Variants in CYP39A1 observed in about 807,000 individuals in gnomAD.
The protein encoded by CYP39A1 is 24-hydroxycholesterol 7-alpha-hydroxylase.
In CYP39A1, 49 loss-of-function variants were observed where a neutral mutation model predicts 58.1. The observed-to-expected ratio is 0.84, with a 90% CI of 0.67 to 1.07. The LOEUF (loss-of-function observed/expected upper bound fraction) is 1.07. Among genes scored for constraint, CYP39A1 ranks in the 50% least tolerant of loss-of-function variants. The pLI is 0.00. For synonymous variants in CYP39A1, 209 were observed against 187.6 expected, an observed-to-expected ratio of 1.11 and a Z score of -0.93; for missense variants, 531 against 539.4, an observed-to-expected ratio of 0.98 and a Z score of 0.16.
intron 7 of CYP39A1, among the ~76,000 whole-genome samples, chr6:46,606,587 C>T (rs887824300): frequency 6.6e-6 from 1 of 152,022 alleles, no homozygotes; most frequent in African/African-American, 2.4e-5. Context: ...GATGACAGAC[C>T]AATAAAGAAA....
At chr6:46,570,630 T>C (rs1342450480) in intron 10 of CYP39A1, among the ~76,000 whole-genome samples, 2 of 152,152 alleles carry the variant, frequency 1.3e-5, no homozygotes, top group Admixed American at 6.6e-5. Flanking sequence ...ACATGAAGCA[T>C]AGTGCCAGTA....
Position 46,639,502 on chromosome 6 carries a change from G to C in CYP39A1, c.480C>G (p.Asn160Lys). 2.5e-6 allele frequency: 4 copies of C among 1,613,852 alleles called. No homozygotes were observed. In the African/African-American group the frequency reaches 5.3e-5, roughly 22 times the overall value. Reference protein sequence around the residue: ...LGTHGTMDLNNLVRHLLYPVT... With the variant: ...LGTHGTMDLNKLVRHLLYPVT... ...CTAATGCGTCTATTTACCTTACTAA[G>C]TTGTTCAGGTCCATTGTCCCATGAG... The change falls in exon 3 of 12, where the codon AAC becomes AAG. Residue 160 changes from asparagine to lysine, a missense_variant. Asn to Lys is a moderately conservative substitution (Grantham distance 94, BLOSUM62 0). Coordinates refer to ENST00000275016, the MANE Select transcript of CYP39A1 (RefSeq NM_016593.5).
At chr6:46,561,877 T>C (rs1770995057) in intron 10 of CYP39A1, among the ~76,000 whole-genome samples, 1 of 152,136 alleles carries the variant, frequency 6.6e-6, no homozygotes, top group South Asian at 2.1e-4. Context: ...GAAATAGTGG[T>C]TACCAAAGGC....
chr6:46,601,624 G>A (rs900162422), intron 7 of CYP39A1, among the ~76,000 whole-genome samples: 5 of 151,526 alleles, frequency 3.3e-5, no homozygotes, highest in South Asian at 2.1e-4. Context: ...CGTGTAAAGC[G>A]CTTACCACTA....
At position 46,639,662 on chromosome 6, in the gene CYP39A1, A is replaced by G; in HGVS notation, c.320T>C (p.Ile107Thr). The change falls in exon 3 of 12, where the codon ATT (isoleucine) becomes ACT (threonine). Residue 107 changes from isoleucine (I) to threonine (T), a missense_variant. Physicochemically the swap from Ile to Thr is moderately conservative, Grantham distance 89. Coordinates refer to ENST00000275016, the MANE Select transcript of CYP39A1 (RefSeq NM_016593.5). ...VQNIVYRTAS[I>T]PKNVFLALHE... is the part of the protein sequence containing the mutation. ...CAGTGCTAAAAAGACATTCTTTGGA[A>G]TTGATGCTATGAACAAAGAAAACTA... 6.2e-7 allele frequency: 1 copy of G among 1,611,690 alleles called. No homozygotes were observed. The highest frequency in any genetic ancestry group is 8.5e-7 in the Non-Finnish European group (1 of 1,178,864).
At chr6:46,652,254 T>G in intron 1 of CYP39A1, 152 bp downstream of exon 1, 2 of 743,296 alleles carry the variant, frequency 2.7e-6, no homozygotes, top group Non-Finnish European at 4.1e-6. Flanking sequence ...TGTTAATTGT[T>G]AGTAGAGGAA....
intron 3 of CYP39A1, 39 bp downstream of exon 3, chr6:46,639,455 C>T: frequency 6.3e-7 from 1 of 1,587,510 alleles, no homozygotes; most frequent in Non-Finnish European, 8.5e-7. Flanking sequence ...TTATTTAAAA[C>T]AAAAAGCAAG....
intron 10 of CYP39A1, among the ~76,000 whole-genome samples, chr6:46,556,479 G>C (rs1007776946): frequency 2.0e-5 from 3 of 152,162 alleles, no homozygotes; most frequent in Non-Finnish European, 4.4e-5. Flanking sequence ...CTGCATGTGT[G>C]AGAGAAAACT....
rs565433955 is a variant in CYP39A1 at position 46,582,556 on chromosome 6, T to C, written c.1250+4521A>G. The stretch of plus-strand genomic sequence containing the variant: ...TCTTAGGAAGCTGACCTTTCTTTTA[T>C]GTTGTTTACTGATTATTCTAATCTA... On this transcript the variant is annotated intron_variant, in intron 10 of 11. Coordinates refer to ENST00000275016, the MANE Select transcript of CYP39A1 (RefSeq NM_016593.5). Among the ~76,000 whole-genome samples, 88 of 152,292 alleles carry C rather than the reference T, an allele frequency of 5.8e-4. 1 individual carries two copies. In the South Asian group the frequency reaches 0.017, roughly 29 times the overall value.
At chr6:46,645,130 C>T (rs1341999796) in intron 1 of CYP39A1, among the ~76,000 whole-genome samples, 2 of 152,102 alleles carry the variant, frequency 1.3e-5, no homozygotes, top group African/African-American at 2.4e-5. Context: ...AGAGCAAATG[C>T]TTTTAATTTT....
intron 1 of CYP39A1, among the ~76,000 whole-genome samples, chr6:46,643,493 G>A (rs943529661): frequency 1.4e-4 from 22 of 152,170 alleles, no homozygotes; most frequent in African/African-American, 5.1e-4. Flanking sequence ...CATCTACACT[G>A]CTTTCTAACA....
At chr6:46,563,980 CTG>C (rs1771116280) in intron 10 of CYP39A1, among the ~76,000 whole-genome samples, 2 of 151,972 alleles carry the variant, frequency 1.3e-5, no homozygotes, top group African/African-American at 4.8e-5. Flanking sequence ...GAAAACTCAT[CTG>C]TATGTAGTGA....
chr6:46,625,450 A>G lies in CYP39A1; in HGVS notation c.899T>C (p.Met300Thr). 1.2e-6 allele frequency: 2 copies of G among 1,611,358 alleles called. No homozygotes were observed. Among genetic ancestry groups the G allele is most frequent in the Non-Finnish European group, 1.7e-6 (2 of 1,178,502 alleles). The part of the protein sequence containing the change: ...LSHPDIHKAI[M>T]EGISSVFGKA... Reference sequence around the variant, plus strand: ...GCCAAACACAGAAGATATGCCTTCCATAATGGCCTTGTGGATATCAGGATG... The same window carrying G: ...GCCAAACACAGAAGATATGCCTTCCGTAATGGCCTTGTGGATATCAGGATG... Residue 300 changes from methionine (M) to threonine (T), a missense_variant, in exon 7 of 12, where the codon ATG becomes ACG. Transcript: ENST00000275016.
intron 1 of CYP39A1, among the ~76,000 whole-genome samples, chr6:46,645,619 T>A (rs1762274855): frequency 6.6e-6 from 1 of 152,164 alleles, no homozygotes; most frequent in African/African-American, 2.4e-5. Flanking sequence ...CTCATTCTAT[T>A]CTACTTTTTC....
intron 5 of CYP39A1, among the ~76,000 whole-genome samples, chr6:46,632,307 G>A (rs1775711358): frequency 6.6e-6 from 1 of 152,184 alleles, no homozygotes. Flanking sequence ...CAGGCCAGGT[G>A]CTAGATAGGT....
chr6:46,629,956 C>T (rs1040166725), intron 6 of CYP39A1, among the ~76,000 whole-genome samples: 1 of 151,506 alleles, frequency 6.6e-6, no homozygotes, highest in African/African-American at 2.4e-5. Flanking sequence ...TTTAGCCGGG[C>T]CCAGTAGCTC....
chr6:46,632,937 T>C (rs572085192), intron 5 of CYP39A1, among the ~76,000 whole-genome samples: 1 of 152,156 alleles, frequency 6.6e-6, no homozygotes, highest in East Asian at 1.9e-4. Flanking sequence ...AAAAAACTAT[T>C]CAATCACTAG....
At chr6:46,584,780 C>G (rs533474522) in intron 10 of CYP39A1, among the ~76,000 whole-genome samples, 1 of 152,250 alleles carries the variant, frequency 6.6e-6, no homozygotes, top group South Asian at 2.1e-4. Flanking sequence ...TCTGTTGTCT[C>G]AAGCTAAAAG....
chr6:46,633,481 C>A (rs1775777585), intron 5 of CYP39A1, among the ~76,000 whole-genome samples: 1 of 152,068 alleles, frequency 6.6e-6, no homozygotes, highest in Admixed American at 6.6e-5. Context: ...TTCACTAGGC[C>A]ACTGAAATCT....
Sources: gnomAD v4.1 joint callset for allele counts (sites outside exome capture counted in the v4.1 genomes callset) on GRCh38, gnomAD v4.1.1 for gene constraint, MANE v1.5 for transcripts, NCBI Gene and HGNC (gene_info 2026-07-23, HGNC 2026-07-21) for gene names.